NIBAN1: variants seen among roughly 807,000 people sequenced by gnomAD.
The protein encoded by NIBAN1 is niban apoptosis regulator 1.
A neutral mutation model predicts 75.1 loss-of-function variants in NIBAN1; 81 were observed. The observed-to-expected ratio is 1.08, with a 90% CI of 0.90 to 1.30. NIBAN1 has a LOEUF of 1.30. Among genes scored for constraint, NIBAN1 ranks in the 50% most tolerant of loss-of-function variants. NIBAN1 has a pLI of 0.00. For missense variants in NIBAN1, 1,133 were observed against 1,128.1 expected (o/e 1.00, Z -0.06); for synonymous variants, 436 against 424.8 (o/e 1.03, Z -0.32).
chr1:184,842,711 C>T (rs539017834), intron 5 of NIBAN1, among the ~76,000 whole-genome samples: 129 of 151,250 alleles, frequency 8.5e-4, no homozygotes, highest in African/African-American at 3.0e-3. Context: ...CGAGATTGTG[C>T]CTTTGCACGA....
chr1:184,864,557 T>C (rs1314884499), intron 5 of NIBAN1, among the ~76,000 whole-genome samples: 1 of 152,132 alleles, frequency 6.6e-6, no homozygotes, highest in Non-Finnish European at 1.5e-5. Context: ...TGAAGAAATG[T>C]TGTTTGGGTT....
chr1:184,811,513 G>GTTTTTTTTTTT (rs55898062), intron 9 of NIBAN1, among the ~76,000 whole-genome samples: 10 of 139,084 alleles, frequency 7.2e-5, no homozygotes, highest in African/African-American at 8.0e-5. Context: ...TTTTTTTTTT[G>GTTTTTTTTTTT]TTTTTTTTTT....
chr1:184,876,998 T>C (rs975285350), intron 5 of NIBAN1, among the ~76,000 whole-genome samples: 1 of 152,224 alleles, frequency 6.6e-6, no homozygotes, highest in Non-Finnish European at 1.5e-5. Context: ...CTTTAGATAT[T>C]AGTAAACCCA....
At chr1:184,911,938 C>A (rs1657252187) in intron 1 of NIBAN1, among the ~76,000 whole-genome samples, 1 of 152,108 alleles carries the variant, frequency 6.6e-6, no homozygotes, top group South Asian at 2.1e-4. Flanking sequence ...AAACAAAATA[C>A]TACAGCTACA....
chr1:184,891,129 A>C (rs1036696526), intron 3 of NIBAN1, among the ~76,000 whole-genome samples: 1 of 152,202 alleles, frequency 6.6e-6, no homozygotes, highest in African/African-American at 2.4e-5. Flanking sequence ...TAGTGAAGAG[A>C]TCCAAATGAA....
At chr1:184,839,701 T>C (rs1186301251) in intron 5 of NIBAN1, among the ~76,000 whole-genome samples, 1 of 152,146 alleles carries the variant, frequency 6.6e-6, no homozygotes, top group Non-Finnish European at 1.5e-5. Context: ...GTTCAAGCGA[T>C]TATCCTGCCT....
At chr1:184,903,494 T>A (rs2101994344) in intron 1 of NIBAN1, among the ~76,000 whole-genome samples, 1 of 152,250 alleles carries the variant, frequency 6.6e-6, no homozygotes, top group Admixed American at 6.5e-5. Context: ...ATTAATGGCT[T>A]AGTGCCATCC....
At chr1:184,823,774 A>AT in intron 6 of NIBAN1, 32 bp from the exon 7 acceptor site, 1 of 1,589,174 alleles carries the variant, frequency 6.3e-7, no homozygotes, top group South Asian at 1.1e-5. Flanking sequence ...AGAGTCGGTC[A>AT]GTCGGTGATG....
chr1:184,915,469 C>T (rs1341335463), intron 1 of NIBAN1, among the ~76,000 whole-genome samples: 1 of 152,214 alleles, frequency 6.6e-6, no homozygotes, highest in Non-Finnish European at 1.5e-5. Context: ...CTTCAAAGCC[C>T]TCTAAAGAAT....
At chr1:184,815,853 C>T (rs1357285067) in intron 9 of NIBAN1, among the ~76,000 whole-genome samples, 2 of 152,156 alleles carry the variant, frequency 1.3e-5, no homozygotes, top group African/African-American at 4.8e-5. Context: ...TTTGTTAGGT[C>T]CTTTTTCCAT....
intron 12 of NIBAN1, among the ~76,000 whole-genome samples, chr1:184,799,264 T>C (rs1349279788): frequency 5.4e-4 from 81 of 150,444 alleles, no homozygotes; most frequent in African/African-American, 1.9e-3. Context: ...CATTGTTCAA[T>C]TCCCACCTAT....
intron 1 of NIBAN1, among the ~76,000 whole-genome samples, chr1:184,955,364 T>TTTTTG (rs1189746313): frequency 7.3e-5 from 11 of 150,326 alleles, no homozygotes; most frequent in Non-Finnish European, 5.9e-5. Flanking sequence ...TTCCTTTTCT[T>TTTTTG]TTTTGTTTTG....
At chr1:184,840,034 C>T (rs1223636005) in intron 5 of NIBAN1, among the ~76,000 whole-genome samples, 1 of 152,052 alleles carries the variant, frequency 6.6e-6, no homozygotes, top group Admixed American at 6.6e-5. Flanking sequence ...AGACTGAGGG[C>T]CACATAGGGT....
chr1:184,928,408 C>A (rs775085022), intron 1 of NIBAN1, among the ~76,000 whole-genome samples: 1 of 152,182 alleles, frequency 6.6e-6, no homozygotes, highest in South Asian at 2.1e-4. Context: ...GCCAGCACAG[C>A]ACCAGGACTT....
intron 5 of NIBAN1, among the ~76,000 whole-genome samples, chr1:184,872,956 A>G (rs1190845380): frequency 6.6e-6 from 1 of 152,218 alleles, no homozygotes; most frequent in Non-Finnish European, 1.5e-5. Flanking sequence ...ACAAAAAAAG[A>G]TGTTTTTAGA....
At chr1:184,926,418 C>T (rs944296495) in intron 1 of NIBAN1, among the ~76,000 whole-genome samples, 22 of 151,926 alleles carry the variant, frequency 1.4e-4, no homozygotes, top group Non-Finnish European at 8.8e-5. Context: ...TTGTGTGTTT[C>T]GTAGAGACGG....
At chr1:184,896,102 A>G (rs1257796176) in intron 2 of NIBAN1, among the ~76,000 whole-genome samples, 1 of 152,132 alleles carries the variant, frequency 6.6e-6, no homozygotes, top group Non-Finnish European at 1.5e-5. Context: ...GAGTCGAATG[A>G]TAGTTCTTTT....
In NIBAN1 at chr1:184,794,799, C is replaced by T; in HGVS notation, c.*178G>A. The T allele has an allele frequency of 2.6e-6, 2 of 755,058 alleles. No individual in the cohort carries two copies. The highest frequency in any genetic ancestry group is 4.4e-6 in the Non-Finnish European group (2 of 454,514). 46.8% of individuals were successfully genotyped at this position (755,058 alleles called of 1,614,324 possible). On this transcript the variant is annotated 3_prime_UTR_variant, in exon 14 of 14. Transcript: ENST00000367511. ...AGCAAAAATTCATCGTAGAACAATT[C>T]ATGTCCACAAAGGTTTGCCTCAGTT...
intron 9 of NIBAN1, among the ~76,000 whole-genome samples, chr1:184,808,680 G>A (rs1282881569): frequency 6.6e-6 from 1 of 152,148 alleles, no homozygotes; most frequent in African/African-American, 2.4e-5. Context: ...CCTGGACTTT[G>A]GAAGGGAAGC....
Sources: allele counts gnomAD v4.1 joint callset (sites outside exome capture counted in the v4.1 genomes callset), GRCh38; gene constraint gnomAD v4.1.1; transcripts MANE v1.5; gene names NCBI Gene and HGNC (gene_info 2026-07-23, HGNC 2026-07-21).